LRRC4C: variants seen among roughly 807,000 people sequenced by gnomAD.
The protein encoded by LRRC4C is leucine-rich repeat-containing protein 4C.
LRRC4C carries 5 observed loss-of-function variants against 33.6 expected under a neutral mutation model. The observed-to-expected ratio is 0.15, with a 90% CI of 0.08 to 0.31. LRRC4C has a LOEUF of 0.31. Among genes scored for constraint, LRRC4C ranks in the 10% least tolerant of loss-of-function variants. The pLI, the probability that LRRC4C is intolerant of heterozygous loss-of-function variation, is 1.00. For missense variants in LRRC4C, 560 were observed against 796.7 expected (o/e 0.70, Z 3.58); for synonymous variants, 329 against 302.0 (o/e 1.09, Z -0.93).
intron 1 of LRRC4C, among the ~76,000 whole-genome samples, chr11:41,024,066 G>A (rs964980732): frequency 2.0e-5 from 3 of 151,288 alleles, no homozygotes; most frequent in African/African-American, 7.3e-5. Context: ...TATTTTGCTT[G>A]TGACTACCTT....
intron 3 of LRRC4C, among the ~76,000 whole-genome samples, chr11:40,409,774 T>A (rs1189934223): frequency 6.6e-6 from 1 of 152,018 alleles, no homozygotes; most frequent in Non-Finnish European, 1.5e-5. Flanking sequence ...CCTTGAACAC[T>A]GTTGATGGGA....
chr11:40,612,927 G>GT (rs1961381837), intron 3 of LRRC4C, among the ~76,000 whole-genome samples: 1 of 151,882 alleles, frequency 6.6e-6, no homozygotes, highest in South Asian at 2.1e-4. Flanking sequence ...ATATAGTAGT[G>GT]TTTTAAGTGT....
At chr11:40,504,659 T>C (rs1278850477) in intron 3 of LRRC4C, among the ~76,000 whole-genome samples, 1 of 152,206 alleles carries the variant, frequency 6.6e-6, no homozygotes, top group East Asian at 1.9e-4. Flanking sequence ...CAGTTATGTG[T>C]TGAAATAATT....
At chr11:40,147,792 A>C (rs1214071890) in intron 5 of LRRC4C, among the ~76,000 whole-genome samples, 1 of 152,058 alleles carries the variant, frequency 6.6e-6, no homozygotes, top group African/African-American at 2.4e-5. Flanking sequence ...CAAGTTTGTA[A>C]TATAGGTAAA....
intron 1 of LRRC4C, among the ~76,000 whole-genome samples, chr11:41,349,147 T>C (rs906749681): frequency 2.0e-5 from 3 of 152,146 alleles, no homozygotes; most frequent in Admixed American, 2.0e-4. Context: ...CTCATTCTTG[T>C]AGTGTGACCT....
intron 1 of LRRC4C, among the ~76,000 whole-genome samples, chr11:41,219,559 A>G (rs1289320377): frequency 1.3e-5 from 2 of 152,160 alleles, no homozygotes; most frequent in African/African-American, 4.8e-5. Context: ...GAGCTGCCAC[A>G]TTTTCTATCG....
At chr11:40,996,486 A>G (rs1853982604) in intron 1 of LRRC4C, among the ~76,000 whole-genome samples, 1 of 152,202 alleles carries the variant, frequency 6.6e-6, no homozygotes, top group Admixed American at 6.6e-5. Flanking sequence ...TTTTGGAAGG[A>G]GATGAAATAA....
At chr11:41,121,707 G>C (rs774520075) in intron 1 of LRRC4C, among the ~76,000 whole-genome samples, 2 of 152,120 alleles carry the variant, frequency 1.3e-5, no homozygotes, top group African/African-American at 2.4e-5. Context: ...GAGGGGGTTA[G>C]AACACATTGC....
At chr11:41,300,726 T>G (rs1950261675) in intron 1 of LRRC4C, among the ~76,000 whole-genome samples, 1 of 152,154 alleles carries the variant, frequency 6.6e-6, no homozygotes, top group African/African-American at 2.4e-5. Flanking sequence ...TAACCAGAAC[T>G]TAACTATGTC....
chr11:40,449,744 C>T (rs1951804585), intron 3 of LRRC4C, among the ~76,000 whole-genome samples: 2 of 152,074 alleles, frequency 1.3e-5, no homozygotes, highest in Non-Finnish European at 2.9e-5. Context: ...ATAATGGCAT[C>T]CCTAGAGGAA....
intron 1 of LRRC4C, among the ~76,000 whole-genome samples, chr11:40,961,386 T>G (rs1592196891): frequency 6.6e-6 from 1 of 151,674 alleles, no homozygotes; most frequent in South Asian, 2.1e-4. Flanking sequence ...CTTGCCTCCT[T>G]GGTGTCTGTG....
At chr11:40,257,564 G>A (rs1467152292) in intron 4 of LRRC4C, among the ~76,000 whole-genome samples, 3 of 152,066 alleles carry the variant, frequency 2.0e-5, no homozygotes, top group Admixed American at 1.3e-4. Context: ...ATCTTGACTC[G>A]CCTAAGACAA....
chr11:40,815,649 A>T (rs1478772090), intron 2 of LRRC4C, among the ~76,000 whole-genome samples: 1 of 152,084 alleles, frequency 6.6e-6, no homozygotes, highest in African/African-American at 2.4e-5. Flanking sequence ...AATTTATGGC[A>T]TATGTCCTTC....
chr11:41,178,128 C>G (rs1280653530), intron 1 of LRRC4C, among the ~76,000 whole-genome samples: 1 of 152,186 alleles, frequency 6.6e-6, no homozygotes, highest in Non-Finnish European at 1.5e-5. Flanking sequence ...ATATGTTGGC[C>G]TATTGAACGA....
intron 1 of LRRC4C, among the ~76,000 whole-genome samples, chr11:41,232,681 G>T (rs1215336371): frequency 1.3e-5 from 2 of 150,336 alleles, no homozygotes; most frequent in Admixed American, 1.3e-4. Context: ...ATTCACTTAT[G>T]AATTATACTT....
chr11:40,413,464 G>A (rs1192273949), intron 3 of LRRC4C, among the ~76,000 whole-genome samples: 2 of 151,852 alleles, frequency 1.3e-5, no homozygotes, highest in African/African-American at 2.4e-5. Flanking sequence ...CATCTCTCAC[G>A]GCCTCATTCA....
intron 2 of LRRC4C, among the ~76,000 whole-genome samples, chr11:40,916,053 G>T (rs987996816): frequency 6.6e-6 from 1 of 152,166 alleles, no homozygotes. Context: ...AACAACAGGT[G>T]CTGGAGAGGA....
chr11:40,902,964 C>A lies in LRRC4C; in HGVS notation c.-407+30671G>T, dbSNP rs148718057. ...GTTACCCGGAAGATCTAGTTAAGAT[C>A]ATTAATGAAGGTAGCTACATCAAAC... is the stretch of plus-strand genomic sequence containing the variant. On this transcript the variant is annotated intron_variant, in intron 2 of 6. Coordinates refer to ENST00000528697, the MANE Select transcript of LRRC4C (RefSeq NM_001258419.2). 2.1e-3 allele frequency among the ~76,000 whole-genome samples: 318 copies of A among 152,218 alleles called. 2 individuals are homozygous for A. The highest frequency in any genetic ancestry group is 7.4e-3 in the African/African-American group (308 of 41,538).
chr11:40,873,651 A>G (rs1345238632), intron 2 of LRRC4C, among the ~76,000 whole-genome samples: 1 of 152,146 alleles, frequency 6.6e-6, no homozygotes, highest in Non-Finnish European at 1.5e-5. Context: ...AATATTGATC[A>G]ATATCGATCT....
Sources: gnomAD v4.1 joint callset for allele counts (sites outside exome capture counted in the v4.1 genomes callset) on GRCh38, gnomAD v4.1.1 for gene constraint, MANE v1.5 for transcripts, NCBI Gene and HGNC (gene_info 2026-07-23, HGNC 2026-07-21) for gene names.